The following IL27RA variants were observed in gnomAD, a reference collection of about 807,000 sequenced individuals.
The protein encoded by IL27RA is interleukin-27 receptor subunit alpha.
IL27RA carries 61 observed loss-of-function variants against 80.8 expected under a neutral mutation model. The ratio of observed to expected loss-of-function variants is 0.76; its 90% CI spans 0.61 to 0.93. IL27RA has a LOEUF of 0.93. IL27RA is among the 40% of genes least tolerant of loss of function. The probability of loss-of-function intolerance (pLI) is 0.00; values close to 1 mark genes in which losing one functional copy is unlikely to be tolerated. For synonymous variants in IL27RA, 316 were observed against 332.5 expected (o/e 0.95, Z 0.54); for missense variants, 735 against 808.1 (o/e 0.91, Z 1.10).
chr19:14,039,937 A>C lies in IL27RA; in HGVS notation c.534+27A>C, dbSNP rs555116302. On this transcript the variant is annotated intron_variant, in intron 4 of 13. Coordinates refer to ENST00000263379, the MANE Select transcript of IL27RA (RefSeq NM_004843.4). The stretch of plus-strand genomic sequence containing the variant: ...TGAGTGCTGGGGTCCTTTTCTCCCC[A>C]CCCTATTCCGGGCGGGGACTGAGGC... The C allele has an allele frequency of 1.6e-5, 26 of 1,607,610 alleles. No homozygotes were observed. In the South Asian group the frequency reaches 2.2e-4, roughly 14 times the overall value.
At chr19:14,045,982 G>A (rs1211229780) in intron 6 of IL27RA, among the ~76,000 whole-genome samples, 172 bp from the exon 7 acceptor site, 1 of 152,054 alleles carries the variant, frequency 6.6e-6, no homozygotes, top group Non-Finnish European at 1.5e-5. Flanking sequence ...CCGAGATCAC[G>A]CCACTTCACT....
intron 1 of IL27RA, 64 bp from the exon 2 acceptor site, chr19:14,032,322 G>A: frequency 8.0e-7 from 1 of 1,246,264 alleles, no homozygotes; most frequent in Non-Finnish European, 1.2e-6. Flanking sequence ...CCAAGTTCTG[G>A]GGTGTGCAGG....
At chr19:14,047,449 G>A (rs1365870494) in intron 8 of IL27RA, among the ~76,000 whole-genome samples, 2 of 151,170 alleles carry the variant, frequency 1.3e-5, no homozygotes, top group African/African-American at 4.9e-5. Context: ...TCACCTCCCG[G>A]GTTCAAGCGA....
intron 9 of IL27RA, 36 bp from the exon 10 acceptor site, chr19:14,049,120 C>A (rs1446574716): frequency 1.2e-6 from 2 of 1,612,678 alleles, no homozygotes; most frequent in Non-Finnish European, 1.7e-6. Flanking sequence ...GCTTCTGTAA[C>A]CCAGGCCGAC....
rs545311820 is a variant in IL27RA at position 14,050,321 on chromosome 19, G to A, written c.1403-437G>A. ...GTTTGAGACCAGTCTGACCAATATG[G>A]TGAAACCCAGTCTCTACTAAAAATA... On this transcript the variant is annotated intron_variant, in intron 10 of 13. Transcript: ENST00000263379. Among the ~76,000 whole-genome samples the A allele has an allele frequency of 1.3e-3, 196 of 152,132 alleles. 2 individuals carry two copies. The highest frequency in any genetic ancestry group is 2.5e-4 in the Non-Finnish European group (17 of 68,006).
intron 10 of IL27RA, 112 bp from the exon 11 acceptor site, chr19:14,050,646 G>C: frequency 1.8e-6 from 2 of 1,138,646 alleles, no homozygotes; most frequent in Non-Finnish European, 2.5e-6. Context: ...GAGATGAGGA[G>C]GGAGCCATGT....
Position 14,046,163 on chromosome 19 carries a change from C to G in IL27RA, c.778C>G (p.Pro260Ala). 1 of 1,613,896 alleles carries G rather than the reference C, an allele frequency of 6.2e-7. No homozygotes were observed. The highest frequency in any genetic ancestry group is 1.7e-5 in the Admixed American group (1 of 59,974). The change falls in exon 7 of 14, where the codon CCC becomes GCC. Residue 260 changes from proline (P) to alanine (A), a missense_variant. Pro to Ala is a conservative substitution (Grantham distance 27). Coordinates refer to ENST00000263379, the MANE Select transcript of IL27RA (RefSeq NM_004843.4). ...TCCCTTCATCTCTCAGGCCCCAGGGCCCTGTGTGCAGGTGAGCTACAAAGT... is the reference window on the plus strand; with the variant it reads ...TCCCTTCATCTCTCAGGCCCCAGGGGCCTGTGTGCAGGTGAGCTACAAAGT... ...EPLLLWKAPG[P>A]CVQVSYKVWF...
In IL27RA at chr19:14,032,114, C is replaced by T. The variant is rs1371441486; in HGVS notation, c.100+142C>T. The T allele has an allele frequency of 1.0e-5, 8 of 801,216 alleles. No individual in the cohort carries two copies. In the East Asian group the frequency reaches 1.1e-4, roughly 11 times the overall value. The allele number at this position is 801,216 out of a possible 1,614,324, so 49.6% of individuals were successfully genotyped here. On this transcript the variant is annotated intron_variant, in intron 1 of 13. Transcript: ENST00000263379. ...CTCGGCTCCTCCCGGGGCAGGGACC[C>T]GGCGACACTGGGGAATGGGCGGCAG...
chr19:14,051,283 G>A (rs1364118333), intron 11 of IL27RA, among the ~76,000 whole-genome samples: 1 of 151,330 alleles, frequency 6.6e-6, no homozygotes, highest in Non-Finnish European at 1.5e-5. Context: ...AGTGGCTCAC[G>A]CCTGTAATCT....
intron 2 of IL27RA, among the ~76,000 whole-genome samples, chr19:14,036,029 C>G (rs1975891510): frequency 6.7e-6 from 1 of 148,950 alleles, no homozygotes; most frequent in Admixed American, 6.7e-5. Context: ...TGGCTTGAGC[C>G]CAGGGGTTGG....
intron 4 of IL27RA, among the ~76,000 whole-genome samples, chr19:14,040,237 G>A (rs919470423): frequency 1.3e-5 from 2 of 151,268 alleles, no homozygotes; most frequent in African/African-American, 2.4e-5. Flanking sequence ...GGTGGTGGGC[G>A]CCTGTAATCC....
intron 8 of IL27RA, among the ~76,000 whole-genome samples, chr19:14,048,441 T>C (rs1976103497): frequency 6.6e-6 from 1 of 152,114 alleles, no homozygotes; most frequent in African/African-American, 2.4e-5. Flanking sequence ...GTGGATGTGA[T>C]AGGGTTTAGG....
chr19:14,038,587 AAG>A (rs938641254), intron 2 of IL27RA, among the ~76,000 whole-genome samples: 14 of 148,918 alleles, frequency 9.4e-5, no homozygotes, highest in African/African-American at 2.0e-4. Flanking sequence ...AAAAAAAAAA[AAG>A]AGAGAGAGGA....
intron 2 of IL27RA, among the ~76,000 whole-genome samples, chr19:14,035,484 C>G (rs1568498834): frequency 6.6e-6 from 1 of 152,084 alleles, no homozygotes; most frequent in Non-Finnish European, 1.5e-5. Context: ...CAACCTCCGC[C>G]TCCCGGGTTC....
intron 4 of IL27RA, 48 bp from the exon 5 acceptor site, chr19:14,042,405 C>T (rs1463071501): frequency 1.9e-6 from 3 of 1,573,832 alleles, no homozygotes; most frequent in Non-Finnish European, 2.6e-6. Flanking sequence ...GTTCAAATAC[C>T]CTTGACTCAG....
intron 5 of IL27RA, 44 bp from the exon 6 acceptor site, chr19:14,042,672 A>G (rs750867067): frequency 2.5e-6 from 4 of 1,613,972 alleles, no homozygotes; most frequent in Admixed American, 3.3e-5. Context: ...AGTCTGTCCA[A>G]TCATGTCCCA....
At chr19:14,039,102 T>C (rs556592246) in intron 2 of IL27RA, among the ~76,000 whole-genome samples, 2 of 151,880 alleles carry the variant, frequency 1.3e-5, no homozygotes, top group South Asian at 2.1e-4. Flanking sequence ...CTAGCCAACA[T>C]GGTGAAACCC....
At position 14,051,864 on chromosome 19, in the gene IL27RA, A is replaced by T. The variant is rs2306190; in HGVS notation, c.1623-16A>T. 3.2e-6 allele frequency: 5 copies of T among 1,565,840 alleles called. No individual in the cohort carries two copies. The highest frequency in any genetic ancestry group is 2.7e-5 in the African/African-American group (2 of 73,950). ...GCCATCTGGATCTGCTGCCCTGACT[A>T]CTCCTGTCTTGCCAGGTGCTACCAC... On this transcript the variant is annotated splice_polypyrimidine_tract_variant and intron_variant, in intron 12 of 13. Transcript: ENST00000263379.
At position 14,052,329 on chromosome 19, in the gene IL27RA, G is replaced by A. The variant is rs1299328649; in HGVS notation, c.*39G>A. 5.6e-6 allele frequency: 8 copies of A among 1,425,470 alleles called. No homozygotes were observed. Among genetic ancestry groups the A allele is most frequent in the Non-Finnish European group, 7.4e-6 (8 of 1,078,126 alleles). The allele number at this position is 1,425,470 out of a possible 1,614,324, so 88.3% of individuals were successfully genotyped here. The stretch of plus-strand genomic sequence containing the variant: ...CTGGGGGCTGCCAGCCAGGCTAGAG[G>A]GATGCTCATGCAGGTTGCACCCCAG... On this transcript the variant is annotated 3_prime_UTR_variant, in exon 14 of 14. Coordinates refer to ENST00000263379, the MANE Select transcript of IL27RA (RefSeq NM_004843.4).
Sources: gnomAD v4.1 joint callset for allele counts (sites outside exome capture counted in the v4.1 genomes callset) on GRCh38, gnomAD v4.1.1 for gene constraint, MANE v1.5 for transcripts, NCBI Gene and HGNC (gene_info 2026-07-23, HGNC 2026-07-21) for gene names.